The following ZNF841 variants were observed in gnomAD, a reference collection of about 807,000 sequenced individuals.
ZNF841 encodes the protein zinc finger protein 841.
ZNF841 carries 11 observed loss-of-function variants against 13.0 expected under a neutral mutation model. The observed-to-expected ratio is 0.85, with a 90% CI of 0.53 to 1.40. The LOEUF (loss-of-function observed/expected upper bound fraction) is 1.40. ZNF841 is among the 40% of genes most tolerant of loss of function. The pLI is 0.00. For missense variants in ZNF841, 1,068 were observed against 1,139.5 expected, an observed-to-expected ratio of 0.94 and a Z score of 0.90; for synonymous variants, 369 against 381.6, an observed-to-expected ratio of 0.97 and a Z score of 0.38.
chr19:52,077,918 G>A (rs2087957824), intron 4 of ZNF841, among the ~76,000 whole-genome samples: 1 of 152,184 alleles, frequency 6.6e-6, no homozygotes, highest in South Asian at 2.1e-4. Context: ...CTGCATAGGG[G>A]ACGAATGCTA....
chr19:52,077,558 T>G (rs2087945872), intron 4 of ZNF841, among the ~76,000 whole-genome samples: 1 of 152,232 alleles, frequency 6.6e-6, no homozygotes, highest in Admixed American at 6.5e-5. Flanking sequence ...CTAACTCAAA[T>G]GATGACATAA....
intron 6 of ZNF841, among the ~76,000 whole-genome samples, chr19:52,070,013 G>A (rs920009271): frequency 6.6e-6 from 1 of 152,140 alleles, no homozygotes; most frequent in Non-Finnish European, 1.5e-5. Flanking sequence ...AAAGTCTTTA[G>A]GTAAATTATC....
chr19:52,087,676 A>G (rs1055775452), intron 3 of ZNF841, among the ~76,000 whole-genome samples: 7 of 151,732 alleles, frequency 4.6e-5, no homozygotes, highest in African/African-American at 1.2e-4. Flanking sequence ...GGTTTAGGGG[A>G]AAAAAAACTC....
downstream of ZNF841, chr19:52,064,353 C>CAAAAAAAAAAAAAAAAAAAAA (rs56135758): frequency 8.5e-5 from 3 of 35,392 alleles, no homozygotes; most frequent in Admixed American, 4.2e-4. Flanking sequence ...ACTCCGTCTC[C>CAAAAAAAAAAAAAAAAAAAAA]AAAAAAAAAA....
At chr19:52,064,381 A>AAAAAAC (rs1568532529), downstream of ZNF841, 10 of 136,040 alleles carry the variant, frequency 7.4e-5, no homozygotes, top group African/African-American at 3.1e-4. Context: ...AAAAAAAAAA[A>AAAAAAC]AAAAAAAACT....
chr19:52,063,174 T>A (rs2087433782), downstream of ZNF841, among the ~76,000 whole-genome samples: 1 of 151,310 alleles, frequency 6.6e-6, no homozygotes, highest in Admixed American at 6.6e-5. Context: ...CGCATCTGGC[T>A]GAGAAATGGT....
rs60931653 is a variant in ZNF841, at chr19:52,090,654, G to GGAAAGAAAGAAAGAAAGAAAGAAA, written c.-143-1676_-143-1653dup. On this transcript the variant is annotated intron_variant, in intron 2 of 6. Coordinates refer to ENST00000594440, the MANE Select transcript of ZNF841 (RefSeq NM_001136499.2). ...AAGAAGGAAGGAAGGAAGGAAGGAA[G>GGAAAGAAAGAAAGAAAGAAAGAAA]GAAAGAAAGAAAGAAAGAAAGAAAG... is the stretch of plus-strand genomic sequence containing the variant. Among the ~76,000 whole-genome samples, 59 of 84,640 alleles carry GGAAAGAAAGAAAGAAAGAAAGAAA rather than the reference G, an allele frequency of 7.0e-4. 1 individual carries two copies. The highest frequency in any genetic ancestry group is 1.2e-3 in the Admixed American group (9 of 7,380). The allele number at this position is 84,640 out of a possible 152,430, so 55.5% of individuals were successfully genotyped here. A position where few individuals can be genotyped will look rare whatever the true frequency, so the allele number is the denominator to read the frequency against.
intron 4 of ZNF841, among the ~76,000 whole-genome samples, chr19:52,079,506 C>A (rs2088024193): frequency 7.1e-6 from 1 of 140,380 alleles, no homozygotes; most frequent in Non-Finnish European, 1.5e-5. Flanking sequence ...ACACTGGATT[C>A]ATTTCCTCTA....
At chr19:52,091,159 G>A (rs1479497335) in intron 2 of ZNF841, among the ~76,000 whole-genome samples, 1 of 151,866 alleles carries the variant, frequency 6.6e-6, no homozygotes, top group Non-Finnish European at 1.5e-5. Context: ...ACAGGCATTG[G>A]GGCTGCAACA....
chr19:52,067,118 T>C lies in ZNF841; in HGVS notation c.764A>G (p.His255Arg), dbSNP rs572846890. 265 of 1,575,198 alleles carry C rather than the reference T, an allele frequency of 1.7e-4. No individual in the cohort carries two copies. The highest frequency in any genetic ancestry group is 2.2e-4 in the Non-Finnish European group (253 of 1,158,708). Reference protein sequence around the residue: ...LSLPTQDEKTHIREKPYIGNE... With the variant: ...LSLPTQDEKTRIREKPYIGNE... ...ACCTATGTAAGGTTTTTCCCTAATA[T>C]GTGTTTTCTCGTCTTGTGTAGGTAA... is the stretch of plus-strand genomic sequence containing the variant. Residue 255 changes from histidine (H) to arginine (R), a missense_variant, in exon 7 of 7, where the codon CAT (histidine) becomes CGT (arginine). Physicochemically the swap from His to Arg is conservative, Grantham distance 29 (BLOSUM62 0). Coordinates refer to ENST00000594440, the MANE Select transcript of ZNF841 (RefSeq NM_001136499.2).
At chr19:52,069,374 C>T (rs1472387715) in intron 6 of ZNF841, among the ~76,000 whole-genome samples, 1 of 152,142 alleles carries the variant, frequency 6.6e-6, no homozygotes, top group Non-Finnish European at 1.5e-5. Context: ...CGTGCCCAGT[C>T]CTATTCACTG....
chr19:52,089,755 C>T (rs2088409238), intron 2 of ZNF841, among the ~76,000 whole-genome samples: 1 of 152,204 alleles, frequency 6.6e-6, no homozygotes, highest in South Asian at 2.1e-4. Context: ...ACCCCTTGCT[C>T]TTATAACCAC....
intron 5 of ZNF841, 51 bp from the exon 6 acceptor site, chr19:52,076,223 C>A: frequency 1.3e-6 from 2 of 1,536,008 alleles, no homozygotes; most frequent in Non-Finnish European, 8.8e-7. Context: ...CAGAACCCAG[C>A]CTAATGTCTA....
At chr19:52,069,943 TGA>T (rs1357796617) in intron 6 of ZNF841, among the ~76,000 whole-genome samples, 1 of 152,228 alleles carries the variant, frequency 6.6e-6, no homozygotes, top group Non-Finnish European at 1.5e-5. Context: ...AACAAATTTG[TGA>T]GTCTGTACTA....
chr19:52,093,173 A>G (rs927301782), intron 2 of ZNF841, among the ~76,000 whole-genome samples: 1 of 152,222 alleles, frequency 6.6e-6, no homozygotes, highest in Non-Finnish European at 1.5e-5. Context: ...AGTATTATTC[A>G]TAACAGCCAA....
At chr19:52,061,465 CT>C (rs1204942224), downstream of ZNF841, among the ~76,000 whole-genome samples, 3 of 152,128 alleles carry the variant, frequency 2.0e-5, no homozygotes, top group Non-Finnish European at 4.4e-5. Flanking sequence ...ACCTAGCAAT[CT>C]GTCAAACTCC....
At chr19:52,092,265 T>C (rs1204672065) in intron 2 of ZNF841, among the ~76,000 whole-genome samples, 1 of 152,086 alleles carries the variant, frequency 6.6e-6, no homozygotes, top group Non-Finnish European at 1.5e-5. Flanking sequence ...GTGGTTAATA[T>C]CCAAAATATA....
rs1172249189 is a variant in ZNF841 at position 52,095,733 on chromosome 19, G to A, written c.-428C>T. On this transcript the variant is annotated 5_prime_UTR_variant, in exon 1 of 7. Coordinates refer to ENST00000594440, the MANE Select transcript of ZNF841 (RefSeq NM_001136499.2). Reference sequence around the variant, plus strand: ...GACTGAAACACACTCATAGCGACGTGGCCTTTCCCCAGCGCGATCTGCTTC... The same window carrying A: ...GACTGAAACACACTCATAGCGACGTAGCCTTTCCCCAGCGCGATCTGCTTC... 1 of 152,280 alleles carries A rather than the reference G, an allele frequency of 6.6e-6. No homozygotes were observed. The highest frequency in any genetic ancestry group is 2.4e-5 in the African/African-American group (1 of 41,432). 9.4% of individuals were successfully genotyped at this position (152,280 alleles called of 1,614,324 possible). A position where few individuals can be genotyped will look rare whatever the true frequency, so the allele number is the denominator to read the frequency against.
chr19:52,068,437 G>T (rs966737969), intron 6 of ZNF841, among the ~76,000 whole-genome samples: 5 of 152,134 alleles, frequency 3.3e-5, no homozygotes, highest in Non-Finnish European at 2.9e-5. Context: ...AGCACTTTGG[G>T]AGGCCGAGGT....
Sources: gnomAD v4.1 joint callset for allele counts (sites outside exome capture counted in the v4.1 genomes callset) on GRCh38, gnomAD v4.1.1 for gene constraint, MANE v1.5 for transcripts, NCBI Gene and HGNC (gene_info 2026-07-23, HGNC 2026-07-21) for gene names.